BANK1: variants seen among roughly 807,000 people sequenced by gnomAD.
BANK1 encodes the protein B-cell scaffold protein with ankyrin repeats.
BANK1 carries 95 observed loss-of-function variants against 94.5 expected under a neutral mutation model. That is an observed-to-expected ratio of 1.00 (90% confidence interval 0.85 to 1.19). The LOEUF (loss-of-function observed/expected upper bound fraction) is 1.19. Among genes scored for constraint, BANK1 ranks in the 50% most tolerant of loss-of-function variants. The pLI is 0.00. For synonymous variants in BANK1, 334 were observed against 308.4 expected, an observed-to-expected ratio of 1.08 and a Z score of -0.87; for missense variants, 987 against 932.2, an observed-to-expected ratio of 1.06 and a Z score of -0.77.
intron 7 of BANK1, among the ~76,000 whole-genome samples, chr4:102,014,529 G>C (rs139291225): frequency 0.015 from 2,291 of 152,142 alleles, 24 homozygotes; most frequent in Middle Eastern, 0.031. Context: ...ATTATTACAA[G>C]TTTACTCTCT....
chr4:101,908,781 A>G (rs184894676), intron 6 of BANK1, among the ~76,000 whole-genome samples: 20 of 152,384 alleles, frequency 1.3e-4, no homozygotes, highest in African/African-American at 2.4e-4. Flanking sequence ...GAAGAAATTT[A>G]TGCAGCCAAC....
intron 7 of BANK1, among the ~76,000 whole-genome samples, chr4:101,920,635 A>G (rs1391057019): frequency 6.6e-6 from 1 of 151,960 alleles, no homozygotes; most frequent in Non-Finnish European, 1.5e-5. Flanking sequence ...ACAATCTACT[A>G]GTGGACTACA....
Position 102,020,221 on chromosome 4 carries a change from C to G in BANK1, c.1207-1293C>G, listed in dbSNP as rs181283961. Among the ~76,000 whole-genome samples, 294 of 151,982 alleles carry G rather than the reference C, an allele frequency of 1.9e-3. 1 individual carries two copies. The highest frequency in any genetic ancestry group is 0.017 in the Middle Eastern group (5 of 294). On this transcript the variant is annotated intron_variant, in intron 7 of 16. Transcript: ENST00000322953. ...TGGTTTTGGGAGTACTATGGGTTTT[C>G]AAAATATATTTTTGACCTACCTTAT...
chr4:101,793,612 T>C (rs1459678860), intron 1 of BANK1, among the ~76,000 whole-genome samples: 1 of 152,332 alleles, frequency 6.6e-6, no homozygotes, highest in East Asian at 1.9e-4. Flanking sequence ...GTCTTTTGAC[T>C]CATACTGCCT....
rs1728857847 is a variant in BANK1, at chr4:102,074,418, A to C, written c.*419A>C. ...CCATGAAAATACAAATTTACTTAGCACATTTTTGCTTTTTAAGTAGCTGGT... is the reference window on the plus strand; with the variant it reads ...CCATGAAAATACAAATTTACTTAGCCCATTTTTGCTTTTTAAGTAGCTGGT... On this transcript the variant is annotated 3_prime_UTR_variant, in exon 17 of 17. Transcript: ENST00000322953. 1 of 152,046 alleles carries C rather than the reference A, an allele frequency of 6.6e-6. No homozygotes were observed. The highest frequency in any genetic ancestry group is 1.5e-5 in the Non-Finnish European group (1 of 67,912). The allele number at this position is 152,046 out of a possible 1,614,324, so 9.4% of individuals were successfully genotyped here.
chr4:102,025,146 A>G, intron 8 of BANK1, 55 bp from the exon 9 acceptor site: 1 of 1,546,634 alleles, frequency 6.5e-7, no homozygotes, highest in Non-Finnish European at 8.8e-7. Flanking sequence ...ATAAAATATG[A>G]AATGCCTTCA....
chr4:101,936,553 C>A (rs1230881241), intron 7 of BANK1, among the ~76,000 whole-genome samples: 2 of 149,906 alleles, frequency 1.3e-5, no homozygotes, highest in Non-Finnish European at 3.0e-5. Context: ...TACACGTATA[C>A]ATATATGTAT....
chr4:101,943,790 T>C (rs1020717017), intron 7 of BANK1, among the ~76,000 whole-genome samples: 1 of 151,888 alleles, frequency 6.6e-6, no homozygotes, highest in African/African-American at 2.4e-5. Flanking sequence ...TCATAGCATT[T>C]TGTATTCATT....
intron 7 of BANK1, among the ~76,000 whole-genome samples, chr4:101,968,933 A>G (rs1346858070): frequency 6.6e-6 from 1 of 152,108 alleles, no homozygotes; most frequent in Admixed American, 6.6e-5. Context: ...TGATGGTGGT[A>G]ATACAGTCTA....
intron 7 of BANK1, among the ~76,000 whole-genome samples, chr4:102,008,161 A>G (rs1335032083): frequency 6.6e-6 from 1 of 152,170 alleles, no homozygotes; most frequent in East Asian, 1.9e-4. Flanking sequence ...GTGGACTTAG[A>G]TTAGAGACAT....
At chr4:101,887,009 T>C (rs1728883788) in intron 5 of BANK1, among the ~76,000 whole-genome samples, 1 of 152,188 alleles carries the variant, frequency 6.6e-6, no homozygotes, top group African/African-American at 2.4e-5. Flanking sequence ...GCCATATGAC[T>C]AAGTGTTGCC....
intron 7 of BANK1, among the ~76,000 whole-genome samples, chr4:101,971,211 A>G (rs1418105722): frequency 1.3e-5 from 2 of 152,170 alleles, no homozygotes; most frequent in Non-Finnish European, 2.9e-5. Context: ...GGTGAAAACT[A>G]GATGCATTTA....
chr4:101,921,669 G>A (rs762100852), intron 7 of BANK1, among the ~76,000 whole-genome samples: 7 of 151,850 alleles, frequency 4.6e-5, no homozygotes, highest in Non-Finnish European at 1.0e-4. Flanking sequence ...CTCCTCGTTG[G>A]CCAGCTATGG....
chr4:102,027,853 T>G (rs1727156977), intron 9 of BANK1, among the ~76,000 whole-genome samples: 1 of 152,172 alleles, frequency 6.6e-6, no homozygotes, highest in Non-Finnish European at 1.5e-5. Flanking sequence ...GATCCCTCCT[T>G]GACTCAGTTC....
At chr4:101,918,822 G>A (rs190613927) in intron 7 of BANK1, among the ~76,000 whole-genome samples, 4 of 151,894 alleles carry the variant, frequency 2.6e-5, no homozygotes, top group African/African-American at 9.6e-5. Flanking sequence ...GGCTATTTTG[G>A]CATTTATTCT....
At chr4:101,800,183 TG>T (rs1282455987) in intron 1 of BANK1, among the ~76,000 whole-genome samples, 1 of 150,610 alleles carries the variant, frequency 6.6e-6, no homozygotes, top group Admixed American at 6.6e-5. Context: ...CTAATGTAAA[TG>T]ACAAGTTAAT....
At chr4:101,957,844 C>CT (rs776142689) in intron 7 of BANK1, among the ~76,000 whole-genome samples, 2,517 of 87,604 alleles carry the variant, frequency 0.029, 95 homozygotes, top group African/African-American at 0.074. Flanking sequence ...TTGTTTTTTG[C>CT]TTTTTTTTTT....
chr4:102,072,513 C>G lies in BANK1; in HGVS notation c.2298+113C>G, dbSNP rs1401086351. 4.1e-6 allele frequency: 3 copies of G among 733,906 alleles called. No homozygotes were observed. In the African/African-American group the frequency reaches 5.5e-5, roughly 13 times the overall value. 45.5% of individuals were successfully genotyped at this position (733,906 alleles called of 1,614,324 possible). ...TTTTAGACATTCTAACAGATATGAA[C>G]AAAATAGGTTAGGTGTGCCTTTGTG... is the stretch of plus-strand genomic sequence containing the variant. On this transcript the variant is annotated intron_variant, in intron 15 of 16. Transcript: ENST00000322953.
At chr4:101,981,448 G>A (rs368302994) in intron 7 of BANK1, among the ~76,000 whole-genome samples, 8 of 152,030 alleles carry the variant, frequency 5.3e-5, no homozygotes, top group South Asian at 4.2e-4. Flanking sequence ...TATTTTTCTC[G>A]TAATGTGCTG....
Sources: allele counts gnomAD v4.1 joint callset (sites outside exome capture counted in the v4.1 genomes callset), GRCh38; gene constraint gnomAD v4.1.1; transcripts MANE v1.5; gene names NCBI Gene and HGNC (gene_info 2026-07-23, HGNC 2026-07-21).